Variants in CHAF1B observed in about 807,000 individuals in gnomAD.
CHAF1B encodes CAF-1 subunit B.
CHAF1B carries 10 observed loss-of-function variants against 60.7 expected under a neutral mutation model. The observed-to-expected ratio is 0.16, with a 90% CI of 0.10 to 0.28. CHAF1B has a LOEUF of 0.28. Ranked by LOEUF, CHAF1B falls within the 10% of genes least tolerant of loss-of-function variation. The pLI, the probability that CHAF1B is intolerant of heterozygous loss-of-function variation, is 1.00. For missense variants in CHAF1B, 558 were observed against 708.4 expected, an observed-to-expected ratio of 0.79 and a Z score of 2.41; for synonymous variants, 261 against 266.1, an observed-to-expected ratio of 0.98 and a Z score of 0.19.
intron 10 of CHAF1B, 148 bp from the exon 11 acceptor site, chr21:36,411,315 T>C (rs747566889): frequency 7.9e-6 from 7 of 884,884 alleles, no homozygotes; most frequent in Non-Finnish European, 1.2e-5. Context: ...GGTTTTGCCA[T>C]GTTGCTTAGG....
chr21:36,414,067 C>T (rs959843930), intron 12 of CHAF1B, among the ~76,000 whole-genome samples: 4 of 152,188 alleles, frequency 2.6e-5, no homozygotes, highest in Non-Finnish European at 5.9e-5. Flanking sequence ...GTGGCTGGCA[C>T]GCACGCCTGT....
intron 12 of CHAF1B, 85 bp downstream of exon 12, chr21:36,413,400 T>G: frequency 7.5e-7 from 1 of 1,330,556 alleles, no homozygotes; most frequent in East Asian, 2.4e-5. Context: ...CAGGTGAAAT[T>G]TCAGGCGGTG....
At chr21:36,402,672 G>A in intron 7 of CHAF1B, 86 bp from the exon 8 acceptor site, 1 of 1,045,576 alleles carries the variant, frequency 9.6e-7, no homozygotes, top group Non-Finnish European at 1.4e-6. Flanking sequence ...GTTTATTTGT[G>A]AGTGTAAAGA....
intron 10 of CHAF1B, among the ~76,000 whole-genome samples, chr21:36,410,851 G>C (rs1364785244): frequency 6.6e-6 from 1 of 151,934 alleles, no homozygotes; most frequent in Non-Finnish European, 1.5e-5. Flanking sequence ...AGTAGAGGCA[G>C]GGTTTTGCCA....
intron 9 of CHAF1B, 108 bp from the exon 10 acceptor site, chr21:36,409,266 G>T (rs2086259540): frequency 1.4e-6 from 1 of 732,328 alleles, no homozygotes; most frequent in African/African-American, 1.8e-5. Context: ...CTCCCAAAGT[G>T]CTGGGTTTAT....
chr21:36,414,721 C>A (rs985333574), intron 12 of CHAF1B, among the ~76,000 whole-genome samples: 6 of 152,150 alleles, frequency 3.9e-5, no homozygotes, highest in Non-Finnish European at 8.8e-5. Context: ...AAGTGATTCT[C>A]CTACCTCAGC....
At position 36,392,547 on chromosome 21, in the gene CHAF1B, G is replaced by A. The variant is rs562354838; in HGVS notation, c.377+879G>A. On this transcript the variant is annotated intron_variant, in intron 4 of 13. Coordinates refer to ENST00000314103, the MANE Select transcript of CHAF1B (RefSeq NM_005441.3). The stretch of plus-strand genomic sequence containing the variant: ...TCCCGGACGGGGCAGCTGGCCGGGC[G>A]GGGGCTGCCCCCCACCTCCTGGACG... Among the ~76,000 whole-genome samples the A allele has an allele frequency of 6.3e-4, 95 of 150,366 alleles. 1 individual carries two copies. The highest frequency in any genetic ancestry group is 2.1e-3 in the African/African-American group (85 of 40,858).
intron 5 of CHAF1B, among the ~76,000 whole-genome samples, chr21:36,397,116 T>C (rs1740686364): frequency 6.6e-6 from 1 of 152,172 alleles, no homozygotes; most frequent in African/African-American, 2.4e-5. Flanking sequence ...GAACTGAACT[T>C]AGATCTTCTC....
chr21:36,387,308 G>A (rs535086385), intron 2 of CHAF1B, among the ~76,000 whole-genome samples: 2 of 144,270 alleles, frequency 1.4e-5, no homozygotes, highest in Non-Finnish European at 3.0e-5. Context: ...GTGCAGCCCC[G>A]ACCCGGGGCT....
intron 5 of CHAF1B, 79 bp downstream of exon 5, chr21:36,394,729 AC>A: frequency 2.2e-5 from 20 of 922,602 alleles, no homozygotes; most frequent in Non-Finnish European, 2.9e-5. Flanking sequence ...ACTTGCTTTA[AC>A]TTTTTTTTTT....
chr21:36,387,818 T>A lies in CHAF1B; in HGVS notation c.259+88T>A. ...CAGATAGTGAGATTTGAGCTGGATATGCTTTTTTTTTTTTTTTGAGATAGA... is the reference window on the plus strand; with the variant it reads ...CAGATAGTGAGATTTGAGCTGGATAAGCTTTTTTTTTTTTTTTGAGATAGA... On this transcript the variant is annotated intron_variant, in intron 3 of 13. Transcript: ENST00000314103. 3 of 1,408,752 alleles carry A rather than the reference T, an allele frequency of 2.1e-6. No individual in the cohort carries two copies. The South Asian group carries it at 3.9e-5, about 18-fold the overall frequency. 87.3% of individuals were successfully genotyped at this position (1,408,752 alleles called of 1,614,324 possible). A position where few individuals can be genotyped will look rare whatever the true frequency, so the allele number is the denominator to read the frequency against.
intron 8 of CHAF1B, 67 bp downstream of exon 8, chr21:36,402,918 C>T: frequency 7.7e-7 from 1 of 1,298,880 alleles, no homozygotes; most frequent in Non-Finnish European, 1.1e-6. Flanking sequence ...CCGTTTTACG[C>T]TGCAGCTTAT....
At position 36,387,232 on chromosome 21, in the gene CHAF1B, T is replaced by G. The variant is rs997622615; in HGVS notation, c.127-366T>G. Among the ~76,000 whole-genome samples the G allele has an allele frequency of 4.0e-5, 6 of 151,070 alleles. 1 individual carries two copies. The highest frequency in any genetic ancestry group is 8.8e-5 in the Non-Finnish European group (6 of 67,802). On this transcript the variant is annotated intron_variant, in intron 2 of 13. Transcript: ENST00000314103. ...AAAATAAGCATAGTTTTGTTTTTTT[T>G]TTTTTTTTGAGACAGGGTCTTACTC...
chr21:36,410,821 C>T (rs1292935414), intron 10 of CHAF1B, among the ~76,000 whole-genome samples: 1 of 152,032 alleles, frequency 6.6e-6, no homozygotes, highest in Non-Finnish European at 1.5e-5. Flanking sequence ...CCACCACACC[C>T]AGCTACTTTT....
chr21:36,392,399 C>T (rs1041855174), intron 4 of CHAF1B, among the ~76,000 whole-genome samples: 27 of 152,240 alleles, frequency 1.8e-4, no homozygotes, highest in African/African-American at 4.3e-4. Flanking sequence ...TCGACAAAAC[C>T]GCCATCGTCA....
chr21:36,413,404 G>A (rs1485808196), intron 12 of CHAF1B, 89 bp downstream of exon 12: 33 of 1,270,016 alleles, frequency 2.6e-5, no homozygotes, highest in Admixed American at 5.2e-5. Flanking sequence ...TGAAATTTCA[G>A]GCGGTGAATG....
chr21:36,396,932 A>T (rs763895686), intron 5 of CHAF1B, among the ~76,000 whole-genome samples: 4 of 152,138 alleles, frequency 2.6e-5, no homozygotes, highest in Non-Finnish European at 5.9e-5. Flanking sequence ...AGGTCTCTGT[A>T]ATACTTCTCC....
At chr21:36,394,018 GC>G (rs935846318) in intron 4 of CHAF1B, among the ~76,000 whole-genome samples, 49 of 150,974 alleles carry the variant, frequency 3.2e-4, no homozygotes, top group Non-Finnish European at 5.2e-4. Flanking sequence ...TCCTGCCTCA[GC>G]CCCCAAGTAG....
intron 12 of CHAF1B, among the ~76,000 whole-genome samples, chr21:36,413,545 C>A (rs1443408645): frequency 1.3e-5 from 2 of 152,220 alleles, no homozygotes; most frequent in Non-Finnish European, 2.9e-5. Context: ...TGCACACACA[C>A]AGACTGTGAT....
Sources: gnomAD v4.1 joint callset for allele counts (sites outside exome capture counted in the v4.1 genomes callset) on GRCh38, gnomAD v4.1.1 for gene constraint, MANE v1.5 for transcripts, NCBI Gene and HGNC (gene_info 2026-07-23, HGNC 2026-07-21) for gene names.